HUWE1: variants seen among roughly 807,000 people sequenced by gnomAD.
HUWE1 encodes E3 ubiquitin-protein ligase HUWE1.
Under a neutral mutation model 299.4 loss-of-function variants are expected in HUWE1, and 18 were observed. The observed-to-expected ratio is 0.06, with a 90% CI of 0.04 to 0.09. HUWE1 has a LOEUF of 0.09. Ranked by LOEUF, HUWE1 falls within the 10% of genes least tolerant of loss-of-function variation. HUWE1 has a pLI of 1.00. For synonymous variants in HUWE1, 1,317 were observed against 1,286.1 expected, an observed-to-expected ratio of 1.02 and a Z score of -0.51; for missense variants, 1,832 against 3,462.3, an observed-to-expected ratio of 0.53 and a Z score of 11.82.
In HUWE1 at chrX:53,583,275, G is replaced by A. The variant is rs1249929211; in HGVS notation, c.5520+283C>T. 2.8e-5 allele frequency among the ~76,000 whole-genome samples: 3 copies of A among 106,440 alleles called. No individual in the cohort carries two copies. In the Admixed American group the frequency reaches 3.0e-4, roughly 11 times the overall value. 92.4% of individuals were successfully genotyped at this position (106,440 alleles called of 115,157 possible). On this transcript the variant is annotated intron_variant, in intron 42 of 83. Transcript: ENST00000262854. ...GAAGGTATCCCAGTTCTTTACTAAC[G>A]GTTTTTGGCTTGGTTAATGAAACCT...
At chrX:53,639,758 G>A (rs1318875721) in intron 7 of HUWE1, among the ~76,000 whole-genome samples, 3 of 107,231 alleles carry the variant, frequency 2.8e-5, no homozygotes, top group African/African-American at 7.6e-5. Flanking sequence ...ACAAAAGAAT[G>A]GCATGTAGTT....
chrX:53,604,049 T>C (rs782130268), intron 26 of HUWE1, among the ~76,000 whole-genome samples: 8 of 111,722 alleles, frequency 7.2e-5, no homozygotes, highest in African/African-American at 2.0e-4. Flanking sequence ...TCCTGCTCAA[T>C]AGCATAAAAC....
chrX:53,656,442 T>G (rs2068748236), intron 3 of HUWE1, among the ~76,000 whole-genome samples: 1 of 101,960 alleles, frequency 9.8e-6, no homozygotes, highest in East Asian at 3.1e-4. Flanking sequence ...CTCAGGAGGC[T>G]GAGGCAGGAG....
chrX:53,554,511 T>G, intron 61 of HUWE1, 122 bp downstream of exon 61: 1 of 700,690 alleles, frequency 1.4e-6, no homozygotes, highest in Non-Finnish European at 2.2e-6. Flanking sequence ...CAAGACGAGA[T>G]CTTATTATTT....
chrX:53,663,365 T>C (rs2069100647), intron 3 of HUWE1, among the ~76,000 whole-genome samples: 1 of 111,434 alleles, frequency 9.0e-6, no homozygotes. Flanking sequence ...ACAAAAAAAT[T>C]AGCCGGGTGT....
At position 53,631,048 on chromosome X, in the gene HUWE1, A is replaced by C. The variant is rs781839015; in HGVS notation, c.763-14T>G. The C allele has an allele frequency of 1.0e-6, 1 of 994,798 alleles. No homozygotes were observed. Among genetic ancestry groups the C allele is most frequent in the African/African-American group, 1.9e-5 (1 of 53,266 alleles). The allele number at this position is 994,798 out of a possible 1,213,427, so 82.0% of individuals were successfully genotyped here. A position where few individuals can be genotyped will look rare whatever the true frequency, so the allele number is the denominator to read the frequency against. The stretch of plus-strand genomic sequence containing the variant: ...AAATAACAGCATCTGTAGAGAGATA[A>C]GACATACATTTTAAAAACATCAATG... On this transcript the variant is annotated splice_polypyrimidine_tract_variant and intron_variant, in intron 11 of 83. Transcript: ENST00000262854.
chrX:53,646,854 T>A (rs1312574881), intron 6 of HUWE1, among the ~76,000 whole-genome samples: 1 of 112,047 alleles, frequency 8.9e-6, no homozygotes, highest in African/African-American at 3.2e-5. Flanking sequence ...ACAGTGATTT[T>A]TAACCAATTA....
In HUWE1 at chrX:53,537,805, T is replaced by C. The variant is rs782819172; in HGVS notation, c.11997-109A>G. On this transcript the variant is annotated intron_variant, in intron 77 of 83. Transcript: ENST00000262854. ...GATGCTCCTTCTATCCTCCAAACAC[T>C]TTGATCTCTGCTCCACACCTGTTTG... 2.4e-5 allele frequency: 19 copies of C among 797,271 alleles called. 1 individual carries two copies. The highest frequency in any genetic ancestry group is 1.1e-4 in the Admixed American group (4 of 35,273). 65.7% of individuals were successfully genotyped at this position (797,271 alleles called of 1,213,427 possible).
At chrX:53,568,068 A>G (rs782421964) in intron 49 of HUWE1, among the ~76,000 whole-genome samples, 2 of 112,364 alleles carry the variant, frequency 1.8e-5, no homozygotes, top group East Asian at 5.5e-4. Flanking sequence ...AACAAAATAA[A>G]GATCGAAATA....
chrX:53,642,255 T>C (rs1242789602), intron 7 of HUWE1, among the ~76,000 whole-genome samples: 3 of 112,153 alleles, frequency 2.7e-5, no homozygotes, highest in Non-Finnish European at 3.8e-5. Flanking sequence ...TTGATGTCTG[T>C]TAATTTTTCT....
chrX:53,534,651 C>T lies in HUWE1; in HGVS notation c.12696G>A (p.Glu4232=). ...TGGAAATGAGGCGCTTTGGAATGATCTCATAGAAGCCTTCTAAGAAAGCCG... is the reference window on the plus strand; with the variant it reads ...TGGAAATGAGGCGCTTTGGAATGATTTCATAGAAGCCTTCTAAGAAAGCCG... ...QLAAFLEGFY[E]IIPKRLISIF... The change falls in exon 82 of 84, where the codon GAG becomes GAA. Residue 4232 remains glutamate, a synonymous_variant. Coordinates refer to ENST00000262854, the MANE Select transcript of HUWE1 (RefSeq NM_031407.7). 1 of 1,211,294 alleles carries T rather than the reference C, an allele frequency of 8.3e-7. No homozygotes were observed. The highest frequency in any genetic ancestry group is 1.1e-6 in the Non-Finnish European group (1 of 895,308).
chrX:53,648,540 C>CAAAAAAA (rs200558034), intron 4 of HUWE1, among the ~76,000 whole-genome samples: 1 of 85,738 alleles, frequency 1.2e-5, no homozygotes, highest in African/African-American at 6.9e-5. Flanking sequence ...CAAAAAAAAA[C>CAAAAAAA]AAAAAAAAAC....
At chrX:53,563,069 C>G in intron 52 of HUWE1, 140 bp from the exon 53 acceptor site, 1 of 509,268 alleles carries the variant, frequency 2.0e-6, no homozygotes. Flanking sequence ...TGTCTGCTGT[C>G]AGCTAGCTAG....
chrX:53,566,617 A>C (rs2062588052), intron 49 of HUWE1, among the ~76,000 whole-genome samples: 1 of 110,977 alleles, frequency 9.0e-6, no homozygotes, highest in African/African-American at 3.3e-5. Context: ...TGTCCAGCTA[A>C]TTATTGTATT....
intron 79 of HUWE1, 30 bp from the exon 80 acceptor site, chrX:53,536,282 G>C: frequency 8.7e-7 from 1 of 1,146,057 alleles, no homozygotes; most frequent in Non-Finnish European, 1.2e-6. Context: ...CAGGGTCATG[G>C]TTTGCGAGTG....
At chrX:53,679,000 C>T (rs1557052075) in intron 3 of HUWE1, among the ~76,000 whole-genome samples, 1 of 111,765 alleles carries the variant, frequency 8.9e-6, no homozygotes, top group Non-Finnish European at 1.9e-5. Context: ...TATGACAGCA[C>T]TATCAACTCC....
intron 7 of HUWE1, among the ~76,000 whole-genome samples, chrX:53,639,372 T>C (rs782047042): frequency 1.8e-5 from 2 of 111,790 alleles, no homozygotes; most frequent in South Asian, 3.7e-4. Flanking sequence ...ATATATAAGA[T>C]TGCTTAATGT....
intron 6 of HUWE1, 149 bp downstream of exon 6, chrX:53,647,219 C>T: frequency 2.0e-6 from 1 of 508,970 alleles, no homozygotes; most frequent in Non-Finnish European, 3.5e-6. Context: ...TATCTATATC[C>T]AAGAAACATT....
chrX:53,571,382 C>A (rs782778173), intron 47 of HUWE1, among the ~76,000 whole-genome samples: 2 of 111,766 alleles, frequency 1.8e-5, no homozygotes, highest in Non-Finnish European at 3.8e-5. Flanking sequence ...GAGGCTGAGG[C>A]GGGAGGATCA....
Sources: gnomAD v4.1 joint callset for allele counts (sites outside exome capture counted in the v4.1 genomes callset) on GRCh38, gnomAD v4.1.1 for gene constraint, MANE v1.5 for transcripts, NCBI Gene and HGNC (gene_info 2026-07-23, HGNC 2026-07-21) for gene names.